Variants in CUBN observed in about 807,000 individuals in gnomAD.
CUBN encodes cubilin.
CUBN carries 282 observed loss-of-function variants against 405.3 expected under a neutral mutation model. The ratio of observed to expected loss-of-function variants is 0.70; its 90% CI spans 0.63 to 0.77. The LOEUF (loss-of-function observed/expected upper bound fraction) is 0.77. Ranked by LOEUF, CUBN falls within the 30% of genes least tolerant of loss-of-function variation. CUBN has a pLI of 0.00. For missense variants in CUBN, 4,514 were observed against 4,475.2 expected (o/e 1.01, Z -0.25); for synonymous variants, 1,684 against 1,617.0 (o/e 1.04, Z -0.99).
In CUBN at chr10:17,114,077, A is replaced by C; in HGVS notation, c.833T>G (p.Val278Gly). ...SFQPGPCSTL[V>G]QCFNTQGSFY... ...AGAGCCTTGAGTGTTGAAACACTGC[A>C]CAAGTGTGGAGCAAGGCCCGGGCTG... Residue 278 changes from valine to glycine, a missense_variant, in exon 8 of 67, where the codon GTG becomes GGG. Coordinates refer to ENST00000377833, the MANE Select transcript of CUBN (RefSeq NM_001081.4). The C allele has an allele frequency of 6.2e-7, 1 of 1,613,250 alleles. No individual in the cohort carries two copies. Among genetic ancestry groups the C allele is most frequent in the Non-Finnish European group, 8.5e-7 (1 of 1,179,710 alleles).
chr10:17,034,749 TA>T (rs1588600033), intron 27 of CUBN, among the ~76,000 whole-genome samples: 1 of 152,192 alleles, frequency 6.6e-6, no homozygotes, highest in Non-Finnish European at 1.5e-5. Flanking sequence ...AGGAAATCTA[TA>T]AACACTAATG....
At chr10:16,863,028 A>C (rs993192051) in intron 59 of CUBN, among the ~76,000 whole-genome samples, 3 of 152,216 alleles carry the variant, frequency 2.0e-5, no homozygotes, top group African/African-American at 4.8e-5. Flanking sequence ...CAGTGTTGAA[A>C]TATGTTTATT....
intron 39 of CUBN, among the ~76,000 whole-genome samples, chr10:16,935,070 A>C (rs866324972): frequency 5.1e-4 from 77 of 151,962 alleles, no homozygotes; most frequent in African/African-American, 1.8e-3. Flanking sequence ...TACTGTTACC[A>C]TTTGCTTTGT....
At chr10:16,830,380 A>C (rs1000564075) in intron 65 of CUBN, among the ~76,000 whole-genome samples, 5 of 152,080 alleles carry the variant, frequency 3.3e-5, no homozygotes, top group African/African-American at 1.2e-4. Context: ...TATCTTTCTT[A>C]TTTTGAAGGT....
intron 57 of CUBN, among the ~76,000 whole-genome samples, chr10:16,876,667 T>A (rs1840510094): frequency 6.6e-6 from 1 of 152,184 alleles, no homozygotes; most frequent in South Asian, 2.1e-4. Context: ...AAATGTCAAT[T>A]CTTCATTTGA....
intron 27 of CUBN, among the ~76,000 whole-genome samples, chr10:17,031,916 G>A (rs908403125): frequency 3.9e-5 from 6 of 152,228 alleles, no homozygotes; most frequent in Non-Finnish European, 8.8e-5. Flanking sequence ...GCGGATGCAA[G>A]GTCTTTCCAA....
intron 31 of CUBN, among the ~76,000 whole-genome samples, chr10:16,955,042 T>C (rs190739168): frequency 3.3e-5 from 5 of 152,180 alleles, no homozygotes; most frequent in African/African-American, 7.2e-5. Flanking sequence ...TTTCAAACGA[T>C]AGGGGTGATA....
chr10:17,008,970 A>G (rs1281668497), intron 28 of CUBN, among the ~76,000 whole-genome samples: 1 of 152,068 alleles, frequency 6.6e-6, no homozygotes, highest in Non-Finnish European at 1.5e-5. Flanking sequence ...TTTAACTCCA[A>G]TGGATCAAAA....
At chr10:17,021,791 C>CT (rs1834509061) in intron 27 of CUBN, among the ~76,000 whole-genome samples, 1 of 84,848 alleles carries the variant, frequency 1.2e-5, no homozygotes, top group South Asian at 3.4e-4. Context: ...TTTGAAAGCC[C>CT]TTGCTTTTCA....
intron 6 of CUBN, among the ~76,000 whole-genome samples, chr10:17,116,370 G>C (rs1836899100): frequency 6.6e-6 from 1 of 152,222 alleles, no homozygotes; most frequent in Non-Finnish European, 1.5e-5. Context: ...GGAGCTAGGG[G>C]AGGAGGAGGG....
chr10:17,055,864 A>G (rs1835382651), intron 22 of CUBN, among the ~76,000 whole-genome samples: 1 of 152,226 alleles, frequency 6.6e-6, no homozygotes, highest in African/African-American at 2.4e-5. Flanking sequence ...TGTAAATTCA[A>G]TGCAATCTCA....
intron 39 of CUBN, among the ~76,000 whole-genome samples, chr10:16,936,269 T>G (rs1842501817): frequency 6.6e-6 from 1 of 152,210 alleles, no homozygotes. Flanking sequence ...TAACTCAAGT[T>G]TATTTCTAAG....
chr10:16,840,623 C>T (rs1564379696), intron 61 of CUBN, 88 bp from the exon 62 acceptor site: 1 of 1,110,644 alleles, frequency 9.0e-7, no homozygotes, highest in Non-Finnish European at 1.3e-6. Context: ...CCCTGCCTCC[C>T]ACCCCGGAGG....
At chr10:17,021,775 T>G (rs1229517318) in intron 27 of CUBN, among the ~76,000 whole-genome samples, 3 of 113,540 alleles carry the variant, frequency 2.6e-5, no homozygotes, top group Non-Finnish European at 5.4e-5. Context: ...CATAAATTAG[T>G]CTGCCTTTGA....
chr10:16,836,922 G>T (rs1839188711), intron 62 of CUBN, among the ~76,000 whole-genome samples: 1 of 152,150 alleles, frequency 6.6e-6, no homozygotes, highest in South Asian at 2.1e-4. Context: ...TCAAAAGCCT[G>T]GAGTAAATGC....
intron 27 of CUBN, among the ~76,000 whole-genome samples, chr10:17,036,182 C>G (rs189680982): frequency 6.6e-6 from 1 of 152,238 alleles, no homozygotes; most frequent in Admixed American, 6.5e-5. Flanking sequence ...CATTTGCTGT[C>G]GAGCTCAAAC....
At chr10:16,970,467 T>G (rs561015113) in intron 31 of CUBN, among the ~76,000 whole-genome samples, 1 of 151,948 alleles carries the variant, frequency 6.6e-6, no homozygotes, top group South Asian at 2.1e-4. Flanking sequence ...TCCCAGCTAC[T>G]TGGGAGGCTG....
At chr10:16,847,311 G>T (rs1357659036) in intron 60 of CUBN, among the ~76,000 whole-genome samples, 1 of 151,954 alleles carries the variant, frequency 6.6e-6, no homozygotes, top group East Asian at 1.9e-4. Flanking sequence ...AATTAGCTGG[G>T]TGTGGTGGCG....
chr10:16,850,043 G>T lies in CUBN; in HGVS notation c.9663+1192C>A, dbSNP rs530671287. Among the ~76,000 whole-genome samples the T allele has an allele frequency of 6.6e-5, 10 of 152,116 alleles. No individual in the cohort carries two copies. The South Asian group carries it at 1.5e-3, about 22-fold the overall frequency. ...TCTTTACGCTTTCGAGAACATGCAC[G>T]TATCAATTCCTATGCCTTTTTGAAA... On this transcript the variant is annotated intron_variant, in intron 60 of 66. Coordinates refer to ENST00000377833, the MANE Select transcript of CUBN (RefSeq NM_001081.4).
Sources: allele counts gnomAD v4.1 joint callset (sites outside exome capture counted in the v4.1 genomes callset), GRCh38; gene constraint gnomAD v4.1.1; transcripts MANE v1.5; gene names NCBI Gene and HGNC (gene_info 2026-07-23, HGNC 2026-07-21).